GPRC6A: variants seen among roughly 807,000 people sequenced by gnomAD.
The protein encoded by GPRC6A is G protein-coupled receptor family C group 6 member A.
Under a neutral mutation model 47.0 loss-of-function variants are expected in GPRC6A, and 54 were observed. That is an observed-to-expected ratio of 1.15 (90% CI 0.92 to 1.44). The LOEUF (loss-of-function observed/expected upper bound fraction) is 1.44. Ranked by LOEUF, GPRC6A falls within the 40% of genes most tolerant of loss-of-function variation. The pLI is 0.00. For missense variants in GPRC6A, 1,112 were observed against 1,105.5 expected, an observed-to-expected ratio of 1.01 and a Z score of -0.08; for synonymous variants, 347 against 377.1, an observed-to-expected ratio of 0.92 and a Z score of 0.93.
At position 116,806,852 on chromosome 6, in the gene GPRC6A, C is replaced by A. The variant is rs967229380; in HGVS notation, c.853G>T (p.Asp285Tyr). 4.3e-6 allele frequency: 7 copies of A among 1,613,180 alleles called. No homozygotes were observed. In the African/African-American group the frequency reaches 9.3e-5, roughly 22 times the overall value. Residue 285 changes from aspartate (D) to tyrosine (Y), a missense_variant, in exon 3 of 6, where the codon GAT becomes TAT. Asp to Tyr is a radical substitution (Grantham distance 160). Transcript: ENST00000310357. ...ATTTCAATGGCTTTATTGAAGAGATCAAAAACATGGAATTGCCTCAGAAAT... is the reference window on the plus strand; with the variant it reads ...ATTTCAATGGCTTTATTGAAGAGATAAAAAACATGGAATTGCCTCAGAAAT... ...VVFLRQFHVF[D>Y]LFNKAIEMNI...
At chr6:116,816,009 A>AG (rs1023993129) in intron 1 of GPRC6A, among the ~76,000 whole-genome samples, 3 of 152,318 alleles carry the variant, frequency 2.0e-5, no homozygotes, top group Admixed American at 1.3e-4. Context: ...TGGAAGGCAA[A>AG]GGGGGGCGTT....
chr6:116,805,192 G>T (rs1179666834), intron 3 of GPRC6A, among the ~76,000 whole-genome samples: 1 of 151,724 alleles, frequency 6.6e-6, no homozygotes, highest in South Asian at 2.1e-4. Context: ...ATTGAGAAAA[G>T]GTCCTAATCT....
intron 5 of GPRC6A, among the ~76,000 whole-genome samples, chr6:116,793,668 G>T (rs144869733): frequency 6.6e-6 from 1 of 152,120 alleles, no homozygotes; most frequent in Non-Finnish European, 1.5e-5. Flanking sequence ...TGAACTTTCT[G>T]AGCCTATTTC....
intron 5 of GPRC6A, among the ~76,000 whole-genome samples, chr6:116,795,334 C>A (rs983254502): frequency 3.3e-5 from 5 of 152,036 alleles, no homozygotes; most frequent in Non-Finnish European, 5.9e-5. Context: ...TTAGTTAATT[C>A]AACATTTACT....
chr6:116,797,423 G>A (rs1164875130), intron 4 of GPRC6A, among the ~76,000 whole-genome samples: 2 of 152,156 alleles, frequency 1.3e-5, no homozygotes, highest in Non-Finnish European at 2.9e-5. Context: ...TTTGGACTAT[G>A]AGTTCTGGTG....
At position 116,800,609 on chromosome 6, in the gene GPRC6A, G is replaced by A. The variant is rs749687198; in HGVS notation, c.1523C>T (p.Thr508Ile). The change falls in exon 4 of 6, where the codon ACA (threonine) becomes ATA (isoleucine). Residue 508 changes from threonine to isoleucine, a missense_variant. Coordinates refer to ENST00000310357, the MANE Select transcript of GPRC6A (RefSeq NM_148963.4). Reference protein sequence around the residue: ...NDVFIIPDQETKNEFRNLKQI... With the variant: ...NDVFIIPDQEIKNEFRNLKQI... ...CTTAAGATTCCTGAACTCATTTTTT[G>A]TTTCCTGATCTGGGATGATGAAGAC... 1.9e-6 allele frequency: 3 copies of A among 1,612,954 alleles called. No individual in the cohort carries two copies. The highest frequency in any genetic ancestry group is 2.5e-6 in the Non-Finnish European group (3 of 1,179,300).
At chr6:116,829,186 C>T (rs910292540), upstream of GPRC6A, 2 of 588,758 alleles carry the variant, frequency 3.4e-6, no homozygotes, top group Non-Finnish European at 5.2e-6. Context: ...GTTATTTCAC[C>T]AATAAGAACA....
chr6:116,818,154 G>T (rs548635225), intron 1 of GPRC6A, among the ~76,000 whole-genome samples: 1 of 152,212 alleles, frequency 6.6e-6, no homozygotes, highest in African/African-American at 2.4e-5. Context: ...ACCCTCAAAG[G>T]GAAGCCCATC....
In GPRC6A at chr6:116,811,818, T is replaced by C. The variant is rs144455538; in HGVS notation, c.195-2201A>G. 7.1e-3 allele frequency among the ~76,000 whole-genome samples: 1,063 copies of C among 150,100 alleles called. 15 individuals carry two copies. Among genetic ancestry groups the C allele is most frequent in the African/African-American group, 0.025 (1,010 of 40,782 alleles). ...TTCAACTTTTGAAATAACCCAGCCA[T>C]GAAAATATAAAGGAAAAAAAAAGAA... On this transcript the variant is annotated intron_variant, in intron 1 of 5. Coordinates refer to ENST00000310357, the MANE Select transcript of GPRC6A (RefSeq NM_148963.4).
chr6:116,818,805 A>G (rs1773345452), intron 1 of GPRC6A, among the ~76,000 whole-genome samples: 1 of 151,850 alleles, frequency 6.6e-6, no homozygotes, highest in African/African-American at 2.4e-5. Context: ...TCAACTAACG[A>G]ACAAAATAAC....
chr6:116,802,652 A>T (rs118003147), intron 3 of GPRC6A, among the ~76,000 whole-genome samples: 65 of 152,208 alleles, frequency 4.3e-4, no homozygotes, highest in Non-Finnish European at 8.2e-4. Context: ...TGCCCAGACG[A>T]TACCTTCTTT....
At position 116,806,422 on chromosome 6, in the gene GPRC6A, T is replaced by G. The variant is rs760659131; in HGVS notation, c.1283A>C (p.Asp428Ala). Reference sequence around the variant, plus strand: ...CTGACAGTCACGAGCTTGACACAGATCCCGAATGGCATAACCAAGGGCAAA... The same window carrying G: ...CTGACAGTCACGAGCTTGACACAGAGCCCGAATGGCATAACCAAGGGCAAA... ...AVFALGYAIRDLCQARDCQNP... is the reference protein window; with the variant it reads ...AVFALGYAIRALCQARDCQNP... Residue 428 changes from aspartate (D) to alanine (A), a missense_variant, in exon 3 of 6, where the codon GAT (aspartate) becomes GCT (alanine). By Grantham distance (126) the Asp-to-Ala change is moderately radical. Transcript: ENST00000310357. 1.9e-6 allele frequency: 3 copies of G among 1,613,274 alleles called. No individual in the cohort carries two copies. In the South Asian group the frequency reaches 3.3e-5, roughly 18 times the overall value.
chr6:116,821,742 A>G (rs1442088880), intron 1 of GPRC6A, among the ~76,000 whole-genome samples: 1 of 152,126 alleles, frequency 6.6e-6, no homozygotes, highest in South Asian at 2.1e-4. Flanking sequence ...CGTTAGACCT[A>G]AAACCATAAA....
intron 1 of GPRC6A, among the ~76,000 whole-genome samples, chr6:116,814,161 G>T (rs1773126376): frequency 6.6e-6 from 1 of 152,194 alleles, no homozygotes; most frequent in Admixed American, 6.5e-5. Flanking sequence ...TGGTGGGAGT[G>T]TAAATTGGTT....
intron 2 of GPRC6A, 146 bp downstream of exon 2, chr6:116,809,168 G>A: frequency 1.6e-6 from 1 of 630,598 alleles, no homozygotes; most frequent in Non-Finnish European, 2.8e-6. Context: ...TATACTCTCT[G>A]TAATGGTGTG....
At position 116,792,105 on chromosome 6, in the gene GPRC6A, C is replaced by CATTTT. The variant is rs776377159; in HGVS notation, c.*32_*36dup. ...ATCTTAGATGCAAAGACCCTGGAAA[C>CATTTT]ATTTTATTCTGGAATGTGGCATCTC... On this transcript the variant is annotated 3_prime_UTR_variant, in exon 6 of 6. Transcript: ENST00000310357. 3.9e-6 allele frequency: 6 copies of CATTTT among 1,536,728 alleles called. No individual in the cohort carries two copies. In the African/African-American group the frequency reaches 6.9e-5, roughly 18 times the overall value.
At chr6:116,812,195 G>A (rs1773049030) in intron 1 of GPRC6A, among the ~76,000 whole-genome samples, 1 of 152,106 alleles carries the variant, frequency 6.6e-6, no homozygotes, top group Non-Finnish European at 1.5e-5. Context: ...AACCTTATAG[G>A]CCAGAAGAGA....
At chr6:116,818,100 T>G (rs181585445) in intron 1 of GPRC6A, among the ~76,000 whole-genome samples, 4 of 152,024 alleles carry the variant, frequency 2.6e-5, no homozygotes, top group Admixed American at 2.0e-4. Flanking sequence ...AAAGTTGAAA[T>G]GAAGGAGAAA....
chr6:116,805,712 C>A (rs548421769), intron 3 of GPRC6A, among the ~76,000 whole-genome samples: 1 of 152,098 alleles, frequency 6.6e-6, no homozygotes, highest in Non-Finnish European at 1.5e-5. Context: ...AGCTCTTTTA[C>A]ACACAATTGC....
Sources: allele counts gnomAD v4.1 joint callset (sites outside exome capture counted in the v4.1 genomes callset), GRCh38; gene constraint gnomAD v4.1.1; transcripts MANE v1.5; gene names NCBI Gene and HGNC (gene_info 2026-07-23, HGNC 2026-07-21).